The following MYH15 variants were observed in gnomAD, a reference collection of about 807,000 sequenced individuals.
MYH15 encodes the protein myosin heavy chain 15.
MYH15 carries 227 observed loss-of-function variants against 240.5 expected under a neutral mutation model. The observed-to-expected ratio is 0.94, with a 90% CI of 0.85 to 1.05. The LOEUF is 1.05. Ranked by LOEUF, MYH15 falls within the 50% of genes least tolerant of loss-of-function variation. The pLI, the probability that MYH15 is intolerant of heterozygous loss-of-function variation, is 0.00. For synonymous variants in MYH15, 785 were observed against 796.7 expected (o/e 0.99, Z 0.25); for missense variants, 2,217 against 2,247.5 (o/e 0.99, Z 0.27).
At chr3:108,547,086 T>C in the MYH15 span, among the ~76,000 whole-genome samples, 21 of 152,030 alleles carry the variant, frequency 1.4e-4, no homozygotes, top group Non-Finnish European at 2.6e-4. Context: ...AGGCCATATA[T>C]ATATATATAT....
intron 11 of MYH15, among the ~76,000 whole-genome samples, chr3:108,478,244 T>C (rs1327994271): frequency 6.6e-6 from 1 of 152,176 alleles, no homozygotes; most frequent in Non-Finnish European, 1.5e-5. Context: ...GCTTAAAATG[T>C]TTGAAATGTT....
At chr3:108,418,611 G>T (rs1373124240) in intron 28 of MYH15, among the ~76,000 whole-genome samples, 2 of 149,204 alleles carry the variant, frequency 1.3e-5, no homozygotes, top group Non-Finnish European at 3.0e-5. Flanking sequence ...AAACTTTAAG[G>T]GTATTTGGAT....
intron 27 of MYH15, among the ~76,000 whole-genome samples, chr3:108,422,837 A>G (rs1204520423): frequency 6.6e-6 from 1 of 152,240 alleles, no homozygotes; most frequent in Non-Finnish European, 1.5e-5. Flanking sequence ...CCAAAGGACC[A>G]GGAATATTTC....
intron 1 of MYH15, among the ~76,000 whole-genome samples, chr3:108,516,705 C>T (rs147963653): frequency 1.2e-3 from 186 of 152,256 alleles, no homozygotes; most frequent in African/African-American, 4.1e-3. Context: ...TAACCAGCTA[C>T]GCTACCTGCA....
intron 27 of MYH15, among the ~76,000 whole-genome samples, chr3:108,427,357 G>A (rs1249478141): frequency 6.6e-6 from 1 of 152,090 alleles, no homozygotes; most frequent in African/African-American, 2.4e-5. Flanking sequence ...ATGAGGATAG[G>A]AGCCTTCATC....
At chr3:108,427,986 G>A (rs1164690870) in intron 27 of MYH15, among the ~76,000 whole-genome samples, 6 of 152,196 alleles carry the variant, frequency 3.9e-5, no homozygotes. Context: ...AGGCTAATGG[G>A]CTCAGTAAAG....
At chr3:108,400,582 T>G (rs924411877) in intron 33 of MYH15, among the ~76,000 whole-genome samples, 3 of 152,084 alleles carry the variant, frequency 2.0e-5, no homozygotes, top group African/African-American at 7.2e-5. Context: ...ATCCCAGCAC[T>G]TTGGGAGGCC....
chr3:108,470,790 G>A lies in MYH15; in HGVS notation c.1291C>T (p.Leu431=), dbSNP rs372178295. The A allele has an allele frequency of 1.9e-6, 3 of 1,613,852 alleles. No homozygotes were observed. In the African/African-American group the frequency reaches 4.0e-5, roughly 22 times the overall value. The part of the protein sequence containing the change: ...KSMYERMFKW[L]VARINRALDA... ...AGGGCCCTGTTGATCCGTGCCACTA[G>A]CCACTTAAACATCCTTTCATACATT... Residue 431 remains leucine (L), a synonymous_variant, in exon 13 of 41, where the codon CTA becomes TTA. Transcript: ENST00000693548.
intron 25 of MYH15, among the ~76,000 whole-genome samples, chr3:108,435,815 TATATACATATATGTATATGTATAC>T (rs1254684723): frequency 1.4e-5 from 2 of 145,960 alleles, no homozygotes; most frequent in Non-Finnish European, 3.0e-5. Context: ...TGTATATGTA[TATATACATATATGTATATGTATAC>T]ACACACACAC....
At position 108,384,793 on chromosome 3, in the gene MYH15, T is replaced by A. The variant is rs76822654; in HGVS notation, c.5536-11A>T. On this transcript the variant is annotated splice_polypyrimidine_tract_variant and intron_variant, in intron 38 of 40. Coordinates refer to ENST00000693548, the MANE Select transcript of MYH15 (RefSeq NM_014981.3). Reference sequence around the variant, plus strand: ...CTTGTCTTCCTCTGCCTGCAATACATAGGCATGTATGGGAAGGTGATTCAG... The same window carrying A: ...CTTGTCTTCCTCTGCCTGCAATACAAAGGCATGTATGGGAAGGTGATTCAG... 8.7e-4 allele frequency: 1,392 copies of A among 1,606,514 alleles called. 10 individuals are homozygous for A. In the African/African-American group the frequency reaches 0.017, roughly 19 times the overall value.
chr3:108,414,702 A>G (rs2082620832), intron 29 of MYH15, among the ~76,000 whole-genome samples: 1 of 152,242 alleles, frequency 6.6e-6, no homozygotes, highest in Non-Finnish European at 1.5e-5. Flanking sequence ...AATTCTAGAA[A>G]TAGTGGAGAA....
At chr3:108,508,150 C>T (rs560839655) in intron 1 of MYH15, among the ~76,000 whole-genome samples, 20 of 152,288 alleles carry the variant, frequency 1.3e-4, no homozygotes, top group Admixed American at 3.9e-4. Context: ...TACAGCCTGC[C>T]TCCTCTAACA....
the MYH15 span, among the ~76,000 whole-genome samples, chr3:108,539,559 G>A: frequency 6.6e-6 from 1 of 151,992 alleles, no homozygotes; most frequent in African/African-American, 2.4e-5. Context: ...ATAAACTTCT[G>A]GCTGATTTAA....
At chr3:108,393,949 G>A (rs2082439527) in intron 36 of MYH15, 82 bp downstream of exon 36, 1 of 1,574,782 alleles carries the variant, frequency 6.4e-7, no homozygotes, top group Non-Finnish European at 8.7e-7. Flanking sequence ...ATACTTTTTG[G>A]CTGCAGATGT....
Position 108,464,834 on chromosome 3 carries a change from G to T in MYH15, c.1555-20C>A. ...CATTGGCTGTTGAAGAGACATAAGAGCAGCAGATTTCTTTAAAAACACCGG... is the reference window on the plus strand; with the variant it reads ...CATTGGCTGTTGAAGAGACATAAGATCAGCAGATTTCTTTAAAAACACCGG... On this transcript the variant is annotated intron_variant, in intron 14 of 40. Transcript: ENST00000693548. 6.4e-7 allele frequency: 1 copy of T among 1,560,508 alleles called. No individual in the cohort carries two copies.
At chr3:108,451,419 C>A (rs1428196482) in intron 21 of MYH15, among the ~76,000 whole-genome samples, 1 of 151,874 alleles carries the variant, frequency 6.6e-6, no homozygotes, top group Non-Finnish European at 1.5e-5. Flanking sequence ...AAAAATTGAT[C>A]AAATTGAAAA....
chr3:108,451,474 T>C (rs911160701), intron 21 of MYH15, among the ~76,000 whole-genome samples: 1 of 152,126 alleles, frequency 6.6e-6, no homozygotes, highest in African/African-American at 2.4e-5. Context: ...AAAGCTTTCC[T>C]GCACTAATTC....
chr3:108,547,511 T>C, the MYH15 span, among the ~76,000 whole-genome samples: 2 of 150,020 alleles, frequency 1.3e-5, no homozygotes, highest in South Asian at 4.3e-4. Flanking sequence ...GGTAGAAAAA[T>C]AATATCAAAA....
At chr3:108,541,265 T>C in the MYH15 span, among the ~76,000 whole-genome samples, 1 of 151,564 alleles carries the variant, frequency 6.6e-6, no homozygotes, top group South Asian at 2.1e-4. Flanking sequence ...ATATGAGAGA[T>C]TGCTCCTATA....
Sources: allele counts gnomAD v4.1 joint callset (sites outside exome capture counted in the v4.1 genomes callset), GRCh38; gene constraint gnomAD v4.1.1; transcripts MANE v1.5; gene names NCBI Gene and HGNC (gene_info 2026-07-23, HGNC 2026-07-21).